RPH3A: variants seen among roughly 807,000 people sequenced by gnomAD.
The protein encoded by RPH3A is rabphilin 3A.
A neutral mutation model predicts 102.2 loss-of-function variants in RPH3A; 48 were observed. The ratio of observed to expected loss-of-function variants is 0.47; its 90% CI spans 0.37 to 0.60. The LOEUF is 0.60. Among genes scored for constraint, RPH3A ranks in the 20% least tolerant of loss-of-function variants. The pLI, the probability that RPH3A is intolerant of heterozygous loss-of-function variation, is 0.00. For missense variants in RPH3A, 781 were observed against 910.1 expected (o/e 0.86, Z 1.83); for synonymous variants, 310 against 324.3 (o/e 0.96, Z 0.47).
At chr12:112,674,338 C>T (rs1183862127) in intron 1 of RPH3A, among the ~76,000 whole-genome samples, 2 of 152,124 alleles carry the variant, frequency 1.3e-5, no homozygotes, top group Non-Finnish European at 2.9e-5. Context: ...GGCTGCCTAA[C>T]GACTGAGGAG....
intron 3 of RPH3A, among the ~76,000 whole-genome samples, chr12:112,834,932 A>G (rs1409376947): frequency 1.3e-5 from 2 of 152,120 alleles, no homozygotes; most frequent in Non-Finnish European, 2.9e-5. Context: ...AAAAGTTTTT[A>G]TTTTAATTCA....
chr12:112,822,524 AG>A (rs757690520), intron 2 of RPH3A, among the ~76,000 whole-genome samples: 1 of 152,190 alleles, frequency 6.6e-6, no homozygotes, highest in Non-Finnish European at 1.5e-5. Flanking sequence ...AAGGAGAGCC[AG>A]GGGAGAAGCA....
intron 1 of RPH3A, among the ~76,000 whole-genome samples, chr12:112,715,318 A>G (rs2040505864): frequency 6.6e-6 from 1 of 151,896 alleles, no homozygotes; most frequent in African/African-American, 2.4e-5. Context: ...TAACCCCCAG[A>G]CCTTCTCTCT....
chr12:112,659,448 C>G (rs2040034778), intron 1 of RPH3A, among the ~76,000 whole-genome samples: 1 of 152,110 alleles, frequency 6.6e-6, no homozygotes. Flanking sequence ...TGATTAAATT[C>G]AGGTTGTGCA....
At chr12:112,845,190 G>A (rs970645855) in intron 4 of RPH3A, among the ~76,000 whole-genome samples, 6 of 152,160 alleles carry the variant, frequency 3.9e-5, no homozygotes, top group African/African-American at 1.4e-4. Context: ...AGGGACCTCT[G>A]GGGACCATCC....
intron 1 of RPH3A, among the ~76,000 whole-genome samples, chr12:112,605,409 A>G (rs749997662): frequency 2.6e-5 from 4 of 152,082 alleles, no homozygotes; most frequent in Non-Finnish European, 4.4e-5. Context: ...AACAAAAACA[A>G]AAAAATCCAA....
At chr12:112,615,212 T>A (rs76783240) in intron 1 of RPH3A, among the ~76,000 whole-genome samples, 7 of 150,946 alleles carry the variant, frequency 4.6e-5, no homozygotes, top group Admixed American at 2.7e-4. Context: ...TTCTGTGCTA[T>A]TTTTTTTTCT....
intron 5 of RPH3A, among the ~76,000 whole-genome samples, chr12:112,850,117 G>T (rs2042298955): frequency 2.6e-5 from 4 of 152,096 alleles, no homozygotes; most frequent in Admixed American, 1.3e-4. Context: ...GGGAGATCTG[G>T]GTCCAAATTC....
intron 1 of RPH3A, among the ~76,000 whole-genome samples, chr12:112,663,751 C>G (rs2040066350): frequency 6.6e-6 from 1 of 152,154 alleles, no homozygotes; most frequent in Non-Finnish European, 1.5e-5. Context: ...ACACCCCCAG[C>G]ATGTTGGCCT....
chr12:112,778,223 C>T (rs2040981993), intron 1 of RPH3A, among the ~76,000 whole-genome samples: 1 of 152,178 alleles, frequency 6.6e-6, no homozygotes, highest in Admixed American at 6.5e-5. Context: ...GTATTGGGTT[C>T]TGTCAAATGA....
At chr12:112,852,140 G>A (rs1353404677) in intron 5 of RPH3A, among the ~76,000 whole-genome samples, 3 of 152,162 alleles carry the variant, frequency 2.0e-5, no homozygotes, top group East Asian at 1.9e-4. Context: ...TTACTCCCCC[G>A]TCTGTACCTT....
intron 2 of RPH3A, among the ~76,000 whole-genome samples, chr12:112,800,416 C>G (rs990385965): frequency 6.6e-6 from 1 of 152,174 alleles, no homozygotes; most frequent in African/African-American, 2.4e-5. Context: ...ACAGGAACAA[C>G]AGGTTCAGAT....
In RPH3A at chr12:112,869,881, T is replaced by C. The variant is rs1391453570; in HGVS notation, c.650-12T>C. The C allele has an allele frequency of 1.9e-6, 3 of 1,614,102 alleles. No individual in the cohort carries two copies. Among genetic ancestry groups the C allele is most frequent in the East Asian group, 2.2e-5 (1 of 44,868 alleles). On this transcript the variant is annotated splice_polypyrimidine_tract_variant and intron_variant, in intron 9 of 21. Transcript: ENST00000389385. ...TGCCCTTTCTCTACTCAATTCATGC[T>C]CTTCTTTCCAGGCCCTGACCCAGCC...
At chr12:112,644,956 T>C (rs148050504) in intron 1 of RPH3A, among the ~76,000 whole-genome samples, 3 of 152,236 alleles carry the variant, frequency 2.0e-5, no homozygotes, top group East Asian at 1.9e-4. Context: ...ATCACATCAT[T>C]TGAGTGCCTG....
intron 1 of RPH3A, among the ~76,000 whole-genome samples, chr12:112,696,553 C>T (rs145854008): frequency 3.9e-5 from 6 of 152,282 alleles, no homozygotes; most frequent in African/African-American, 1.4e-4. Context: ...CTCTTCATTG[C>T]TAGGTTGTGT....
At chr12:112,695,111 T>C (rs1355077627) in intron 1 of RPH3A, 1 of 170,438 alleles carries the variant, frequency 5.9e-6, no homozygotes, top group Non-Finnish European at 1.5e-5. Context: ...AAATATTGTA[T>C]GGGATATTCT....
intron 1 of RPH3A, among the ~76,000 whole-genome samples, chr12:112,585,452 A>G (rs2135960600): frequency 6.6e-6 from 1 of 152,250 alleles, no homozygotes; most frequent in African/African-American, 2.4e-5. Context: ...TGAAAAGGTT[A>G]CGCTGGGCGC....
chr12:112,827,809 G>T (rs1367682760), intron 2 of RPH3A, among the ~76,000 whole-genome samples: 1 of 151,784 alleles, frequency 6.6e-6, no homozygotes, highest in African/African-American at 2.4e-5. Context: ...ATGATGGGTT[G>T]ATGGGTGCAG....
intron 1 of RPH3A, among the ~76,000 whole-genome samples, chr12:112,699,542 T>C (rs540217690): frequency 6.6e-6 from 1 of 152,320 alleles, no homozygotes; most frequent in South Asian, 2.1e-4. Context: ...AAGGGTACAA[T>C]TCCATTTATA....
Sources: allele counts gnomAD v4.1 joint callset (sites outside exome capture counted in the v4.1 genomes callset), GRCh38; gene constraint gnomAD v4.1.1; transcripts MANE v1.5; gene names NCBI Gene and HGNC (gene_info 2026-07-23, HGNC 2026-07-21).